Variants in PLCXD2 observed in about 807,000 individuals in gnomAD.
The protein encoded by PLCXD2 is phosphatidylinositol specific phospholipase C X domain containing 2.
PLCXD2 carries 21 observed loss-of-function variants against 28.6 expected under a neutral mutation model. That is an observed-to-expected ratio of 0.73 (90% CI 0.52 to 1.06). The LOEUF is 1.06. Ranked by LOEUF, PLCXD2 falls within the 50% of genes least tolerant of loss-of-function variation. The pLI is 0.00. For synonymous variants in PLCXD2, 140 were observed against 150.1 expected (o/e 0.93, Z 0.49); for missense variants, 369 against 376.7 (o/e 0.98, Z 0.17).
At chr3:111,678,475 C>G (rs1254453014) in intron 1 of PLCXD2, among the ~76,000 whole-genome samples, 1 of 152,182 alleles carries the variant, frequency 6.6e-6, no homozygotes, top group African/African-American at 2.4e-5. Flanking sequence ...AGACATTTCT[C>G]TATAATGTAT....
At chr3:111,689,304 C>A (rs1240916902) in intron 1 of PLCXD2, among the ~76,000 whole-genome samples, 1 of 152,138 alleles carries the variant, frequency 6.6e-6, no homozygotes, top group Non-Finnish European at 1.5e-5. Flanking sequence ...GCCATGGTCA[C>A]CTGTAGAAGT....
chr3:111,711,590 C>A (rs1941200897), intron 2 of PLCXD2, among the ~76,000 whole-genome samples: 1 of 152,152 alleles, frequency 6.6e-6, no homozygotes. Flanking sequence ...TGCTACCATT[C>A]AGTCAAATTT....
intron 1 of PLCXD2, among the ~76,000 whole-genome samples, chr3:111,699,452 C>T (rs1941010095): frequency 6.6e-6 from 1 of 152,132 alleles, no homozygotes; most frequent in African/African-American, 2.4e-5. Flanking sequence ...CTAGAATGCA[C>T]TCATTTGAGA....
chr3:111,681,067 G>A (rs1198415882), intron 1 of PLCXD2, among the ~76,000 whole-genome samples: 2 of 152,136 alleles, frequency 1.3e-5, no homozygotes, highest in African/African-American at 4.8e-5. Flanking sequence ...TCTAGTTAAG[G>A]AGCTGGCTGT....
Position 111,708,353 on chromosome 3 carries a change from G to T in PLCXD2, c.591G>T (p.Leu197Phe). The T allele has an allele frequency of 6.2e-7, 1 of 1,614,114 alleles. No individual in the cohort carries two copies. The highest frequency in any genetic ancestry group is 1.1e-5 in the South Asian group (1 of 91,056). ...GCCCAGCCTGCAGTGTGGAAAGTTT[G>T]ACGCTGCGAACTCTGTGGGAGAAGA... The change falls in exon 2 of 5, where the codon TTG becomes TTT. Residue 197 changes from leucine to phenylalanine, a missense_variant. Physicochemically the swap from Leu to Phe is conservative, Grantham distance 22 (BLOSUM62 0). Transcript: ENST00000477665.
intron 3 of PLCXD2, chr3:111,726,954 G>A (rs959754363): frequency 1.3e-5 from 2 of 152,140 alleles, no homozygotes; most frequent in African/African-American, 2.4e-5. Flanking sequence ...TTGTCTTAAA[G>A]AGTTATAAAC....
chr3:111,685,968 G>A (rs1051521845), intron 1 of PLCXD2, among the ~76,000 whole-genome samples: 10 of 152,190 alleles, frequency 6.6e-5, no homozygotes, highest in African/African-American at 2.4e-4. Flanking sequence ...ATCATAGGAC[G>A]TTGGAGCTAA....
Position 111,708,052 on chromosome 3 carries a change from C to A in PLCXD2, c.290C>A (p.Thr97Asn). The A allele has an allele frequency of 6.2e-7, 1 of 1,614,204 alleles. No individual in the cohort carries two copies. The change falls in exon 2 of 5, where the codon ACT (threonine) becomes AAT (asparagine). Residue 97 changes from threonine to asparagine, a missense_variant. Coordinates refer to ENST00000477665, the MANE Select transcript of PLCXD2 (RefSeq NM_001185106.1). ...AAGCTAATGAAGAAGTGGTCTGTGA[C>A]TCAGAACCTGACATTTCGAGAACAG...
chr3:111,702,873 A>T (rs941289915), intron 1 of PLCXD2, among the ~76,000 whole-genome samples: 1 of 152,206 alleles, frequency 6.6e-6, no homozygotes, highest in Admixed American at 6.5e-5. Context: ...TTTGATAGTG[A>T]ATTTGAATTA....
At chr3:111,717,506 C>T (rs1941283506) in intron 3 of PLCXD2, among the ~76,000 whole-genome samples, 2 of 152,268 alleles carry the variant, frequency 1.3e-5, no homozygotes, top group South Asian at 2.1e-4. Flanking sequence ...TCCCCTTCTT[C>T]GTACTTAATC....
chr3:111,715,725 A>G (rs1372269672), intron 3 of PLCXD2, among the ~76,000 whole-genome samples: 1 of 152,196 alleles, frequency 6.6e-6, no homozygotes, highest in Admixed American at 6.5e-5. Flanking sequence ...CAATCCATAC[A>G]GCTAGTAAAA....
At chr3:111,676,129 T>C (rs1375586874) in intron 1 of PLCXD2, among the ~76,000 whole-genome samples, 1 of 152,222 alleles carries the variant, frequency 6.6e-6, no homozygotes, top group Non-Finnish European at 1.5e-5. Context: ...ATTTGTTAAA[T>C]GTGTCCTCTT....
chr3:111,684,102 C>T (rs1940756868), intron 1 of PLCXD2, among the ~76,000 whole-genome samples: 1 of 152,088 alleles, frequency 6.6e-6, no homozygotes, highest in Non-Finnish European at 1.5e-5. Context: ...GAGGCCAAGG[C>T]AGGCAGATCA....
rs558962220 is a variant in PLCXD2 at position 111,693,466 on chromosome 3, T to C, written c.164-14460T>C. On this transcript the variant is annotated intron_variant, in intron 1 of 4. Coordinates refer to ENST00000477665, the MANE Select transcript of PLCXD2 (RefSeq NM_001185106.1). ...TTGTGGTTGTACATTTTTAGTCAACTAATGAAAAGATTTCCCTGCCTCATC... is the reference window on the plus strand; with the variant it reads ...TTGTGGTTGTACATTTTTAGTCAACCAATGAAAAGATTTCCCTGCCTCATC... Among the ~76,000 whole-genome samples the C allele has an allele frequency of 2.0e-5, 3 of 152,340 alleles. No individual in the cohort carries two copies. In the East Asian group the frequency reaches 5.8e-4, roughly 29 times the overall value.
At chr3:111,692,226 G>A (rs1940889129) in intron 1 of PLCXD2, among the ~76,000 whole-genome samples, 1 of 152,064 alleles carries the variant, frequency 6.6e-6, no homozygotes, top group South Asian at 2.1e-4. Context: ...TTGTATTTTT[G>A]TAGAGACGGG....
intron 1 of PLCXD2, among the ~76,000 whole-genome samples, chr3:111,684,439 A>T (rs1435668818): frequency 6.6e-6 from 1 of 151,648 alleles, no homozygotes; most frequent in Admixed American, 6.6e-5. Flanking sequence ...GGATCACTTG[A>T]GGTCAGGAGT....
At chr3:111,700,040 T>C (rs1303120566) in intron 1 of PLCXD2, among the ~76,000 whole-genome samples, 1 of 152,206 alleles carries the variant, frequency 6.6e-6, no homozygotes, top group Non-Finnish European at 1.5e-5. Flanking sequence ...TGGCTGTAAG[T>C]ATCAAGCCTG....
chr3:111,697,293 G>A (rs78586598), intron 1 of PLCXD2, among the ~76,000 whole-genome samples: 5,935 of 152,200 alleles, frequency 0.039, 181 homozygotes, highest in Middle Eastern at 0.075. Flanking sequence ...GTGCATTAGC[G>A]CTCTCAACTT....
rs151272346 is a variant in PLCXD2, at chr3:111,721,009, C to G, written c.866+6881C>G. The G allele has an allele frequency of 5.5e-4, 220 of 401,124 alleles. 2 individuals carry two copies. Among genetic ancestry groups the G allele is most frequent in the African/African-American group, 3.5e-3 (170 of 48,696 alleles). 24.8% of individuals were successfully genotyped at this position (401,124 alleles called of 1,614,324 possible). ...AGAGGAAGATGGCTTTTTTTTCTCC[C>G]TTCCTCACAGGGCCATTTAGATAAA... On this transcript the variant is annotated intron_variant, in intron 3 of 4. Transcript: ENST00000477665.
Sources: allele counts gnomAD v4.1 joint callset (sites outside exome capture counted in the v4.1 genomes callset), GRCh38; gene constraint gnomAD v4.1.1; transcripts MANE v1.5; gene names NCBI Gene and HGNC (gene_info 2026-07-23, HGNC 2026-07-21).